Variants in CSMD3 observed in about 807,000 individuals in gnomAD.
The protein encoded by CSMD3 is CUB and Sushi multiple domains 3.
CSMD3 carries 177 observed loss-of-function variants against 435.2 expected under a neutral mutation model. The observed-to-expected ratio is 0.41, with a 90% CI of 0.36 to 0.46. The LOEUF (loss-of-function observed/expected upper bound fraction) is 0.46, where lower values mean the gene tolerates loss of function less well. Ranked by LOEUF, CSMD3 falls within the 20% of genes least tolerant of loss-of-function variation. The pLI is 0.34. For missense variants in CSMD3, 4,265 were observed against 4,504.6 expected (o/e 0.95, Z 1.52); for synonymous variants, 1,656 against 1,520.5 (o/e 1.09, Z -2.07).
At chr8:113,038,062 A>C (rs2087435538) in intron 5 of CSMD3, among the ~76,000 whole-genome samples, 1 of 152,170 alleles carries the variant, frequency 6.6e-6, no homozygotes, top group Non-Finnish European at 1.5e-5. Context: ...ACCAAAAGGA[A>C]GCCAGAGGGC....
intron 53 of CSMD3, among the ~76,000 whole-genome samples, chr8:112,300,435 T>C (rs959649427): frequency 2.6e-5 from 4 of 151,904 alleles, no homozygotes; most frequent in African/African-American, 9.7e-5. Flanking sequence ...TTTTATTTGA[T>C]TATATAATCA....
chr8:113,188,335 A>G (rs1402345267), intron 3 of CSMD3, among the ~76,000 whole-genome samples: 1 of 152,148 alleles, frequency 6.6e-6, no homozygotes, highest in Non-Finnish European at 1.5e-5. Context: ...TAAGCTCCAG[A>G]TATTTATTTG....
At chr8:113,382,452 T>A (rs1260600050) in intron 1 of CSMD3, among the ~76,000 whole-genome samples, 2 of 152,192 alleles carry the variant, frequency 1.3e-5, no homozygotes, top group Non-Finnish European at 1.5e-5. Flanking sequence ...TTTTGGTGGG[T>A]GATTTTTCTC....
chr8:112,389,682 T>TAATAGA (rs1175540329), intron 36 of CSMD3, among the ~76,000 whole-genome samples: 1 of 152,222 alleles, frequency 6.6e-6, no homozygotes, highest in African/African-American at 2.4e-5. Flanking sequence ...GCATCTTGGC[T>TAATAGA]AATTTTTCCA....
At chr8:112,523,318 G>A (rs1824501097) in intron 27 of CSMD3, among the ~76,000 whole-genome samples, 1 of 151,762 alleles carries the variant, frequency 6.6e-6, no homozygotes, top group African/African-American at 2.4e-5. Flanking sequence ...TTTAGAATCA[G>A]ACAAAATATT....
chr8:113,192,450 A>G (rs2092599724), intron 3 of CSMD3, among the ~76,000 whole-genome samples: 1 of 151,626 alleles, frequency 6.6e-6, no homozygotes, highest in African/African-American at 2.4e-5. Flanking sequence ...CTGCTTTATA[A>G]AAAAGCTATT....
At chr8:112,387,465 A>ATGTGTGTG (rs34034900) in intron 36 of CSMD3, among the ~76,000 whole-genome samples, 6,676 of 144,148 alleles carry the variant, frequency 0.046, 181 homozygotes, top group Non-Finnish European at 0.061. Flanking sequence ...GTCATATATT[A>ATGTGTGTG]TGTGTGTGTG....
rs190034856 is a variant in CSMD3, at chr8:113,309,569, C to A, written c.401+5002G>T. 5.3e-5 allele frequency: 8 copies of A among 152,220 alleles called. No individual in the cohort carries two copies. In the East Asian group the frequency reaches 1.5e-3, roughly 29 times the overall value. 9.4% of individuals were successfully genotyped at this position (152,220 alleles called of 1,614,324 possible). On this transcript the variant is annotated intron_variant, in intron 2 of 70. Transcript: ENST00000297405. ...ACATTTGATTTTATCTTTACCTATC[C>A]ATTTGTTTTTAACATTTCTAATCCA...
chr8:112,697,673 C>G (rs553895726), intron 13 of CSMD3, among the ~76,000 whole-genome samples: 2 of 151,666 alleles, frequency 1.3e-5, no homozygotes, highest in African/African-American at 4.8e-5. Flanking sequence ...ACCAACATGA[C>G]GCATGTATAC....
intron 1 of CSMD3, among the ~76,000 whole-genome samples, chr8:113,397,100 C>T (rs1272530342): frequency 7.9e-5 from 12 of 152,014 alleles, no homozygotes; most frequent in Admixed American, 7.9e-4. Flanking sequence ...AATTTTCCCT[C>T]CAAAATGTTA....
intron 5 of CSMD3, among the ~76,000 whole-genome samples, chr8:113,052,280 G>A (rs780890800): frequency 2.0e-5 from 3 of 152,060 alleles, no homozygotes; most frequent in Non-Finnish European, 4.4e-5. Context: ...TTAAATTAAG[G>A]GTAACATTTT....
In CSMD3 at chr8:112,286,707, C is replaced by T. The variant is rs559932690; in HGVS notation, c.9331+357G>A. On this transcript the variant is annotated intron_variant, in intron 58 of 70. Coordinates refer to ENST00000297405, the MANE Select transcript of CSMD3 (RefSeq NM_198123.2). ...GAAATAAAGGGTTAGGTAGTATCTGCGTTTTCAGGCTCCCACTAAAAGTCT... is the reference window on the plus strand; with the variant it reads ...GAAATAAAGGGTTAGGTAGTATCTGTGTTTTCAGGCTCCCACTAAAAGTCT... Among the ~76,000 whole-genome samples, 182 of 152,088 alleles carry T rather than the reference C, an allele frequency of 1.2e-3. 1 individual carries two copies. Among genetic ancestry groups the T allele is most frequent in the Admixed American group, 3.9e-3 (59 of 15,226 alleles).
At chr8:112,715,200 A>G (rs1242218583) in intron 13 of CSMD3, among the ~76,000 whole-genome samples, 1 of 152,118 alleles carries the variant, frequency 6.6e-6, no homozygotes, top group Non-Finnish European at 1.5e-5. Context: ...GAGAAAAGAG[A>G]TAAGAATCAA....
At chr8:113,433,785 G>A (rs2094689386) in intron 1 of CSMD3, among the ~76,000 whole-genome samples, 1 of 152,150 alleles carries the variant, frequency 6.6e-6, no homozygotes, top group Non-Finnish European at 1.5e-5. Context: ...GCACGACTTG[G>A]AGATTCACAG....
In CSMD3 at chr8:113,046,155, C is replaced by T; in HGVS notation, c.918-26976G>A. ...ATTCTCATTGCCCAGTCAGCGGCCT[C>T]CTTCAGACCTCTGCTGGGATACGAC... On this transcript the variant is annotated intron_variant, in intron 5 of 70. Transcript: ENST00000297405. Among the ~76,000 whole-genome samples the T allele has an allele frequency of 1.3e-5, 2 of 149,090 alleles. 1 individual carries two copies. Among genetic ancestry groups the T allele is most frequent in the Non-Finnish European group, 3.0e-5 (2 of 66,312 alleles).
At chr8:113,395,826 A>T (rs2094481334) in intron 1 of CSMD3, among the ~76,000 whole-genome samples, 1 of 152,006 alleles carries the variant, frequency 6.6e-6, no homozygotes, top group African/African-American at 2.4e-5. Flanking sequence ...CTGTTGTTTT[A>T]TTTGAAATTA....
At chr8:113,156,757 TA>T (rs1420484529) in intron 4 of CSMD3, among the ~76,000 whole-genome samples, 2 of 149,320 alleles carry the variant, frequency 1.3e-5, no homozygotes, top group African/African-American at 2.5e-5. Flanking sequence ...AATAAATAAA[TA>T]AATAAATAAA....
chr8:112,688,874 C>A (rs943274443), intron 14 of CSMD3, among the ~76,000 whole-genome samples: 3 of 151,726 alleles, frequency 2.0e-5, no homozygotes, highest in Non-Finnish European at 4.4e-5. Flanking sequence ...TCACTAAATG[C>A]CTTTTGGAAT....
chr8:112,965,149 A>G (rs2084369573), intron 7 of CSMD3, among the ~76,000 whole-genome samples: 1 of 152,006 alleles, frequency 6.6e-6, no homozygotes, highest in African/African-American at 2.4e-5. Context: ...ATCAGCTTTG[A>G]GCACAAATAG....
Sources: allele counts gnomAD v4.1 joint callset (sites outside exome capture counted in the v4.1 genomes callset), GRCh38; gene constraint gnomAD v4.1.1; transcripts MANE v1.5; gene names NCBI Gene and HGNC (gene_info 2026-07-23, HGNC 2026-07-21).